The following KDM4C variants were observed in gnomAD, a reference collection of about 807,000 sequenced individuals.
KDM4C encodes lysine-specific demethylase 4C.
KDM4C carries 81 observed loss-of-function variants against 129.3 expected under a neutral mutation model. That is an observed-to-expected ratio of 0.63 (90% confidence interval 0.52 to 0.75). The LOEUF (loss-of-function observed/expected upper bound fraction) is 0.75, where lower values mean the gene tolerates loss of function less well. KDM4C is among the 30% of genes least tolerant of loss of function. The pLI is 0.00. For missense variants in KDM4C, 1,457 were observed against 1,304.0 expected (o/e 1.12, Z -1.81); for synonymous variants, 573 against 456.1 (o/e 1.26, Z -3.26).
chr9:7,169,792 C>T lies in KDM4C; in HGVS notation c.2902-6C>T. On this transcript the variant is annotated splice_polypyrimidine_tract_variant and splice_region_variant and intron_variant, in intron 20 of 21. Transcript: ENST00000381309. Reference sequence around the variant, plus strand: ...ATATGTATCATGTTATATTATCTTTCATTAGGTTGAGTTTGAAGATGGATC... The same window carrying T: ...ATATGTATCATGTTATATTATCTTTTATTAGGTTGAGTTTGAAGATGGATC... 6.3e-7 allele frequency: 1 copy of T among 1,595,366 alleles called. No homozygotes were observed. The highest frequency in any genetic ancestry group is 8.6e-7 in the Non-Finnish European group (1 of 1,165,260).
At chr9:6,993,935 C>T (rs1287192408) in intron 12 of KDM4C, among the ~76,000 whole-genome samples, 2 of 152,010 alleles carry the variant, frequency 1.3e-5, no homozygotes, top group African/African-American at 4.8e-5. Context: ...AACTTTGCGA[C>T]GTGAGTCTTC....
At chr9:6,975,066 T>G (rs1276476443) in intron 8 of KDM4C, 1 of 152,220 alleles carries the variant, frequency 6.6e-6, no homozygotes, top group Admixed American at 6.5e-5. Flanking sequence ...TGAACAGTGC[T>G]CTCATGGGTC....
intron 6 of KDM4C, among the ~76,000 whole-genome samples, chr9:6,886,494 T>C (rs1232195145): frequency 2.9e-5 from 4 of 135,984 alleles, no homozygotes; most frequent in African/African-American, 5.1e-5. Flanking sequence ...TTTTTTTCTT[T>C]TTTCCTTTTT....
chr9:6,905,701 C>T (rs903527089), intron 8 of KDM4C, among the ~76,000 whole-genome samples: 1 of 152,078 alleles, frequency 6.6e-6, no homozygotes, highest in Non-Finnish European at 1.5e-5. Context: ...GTGTAGGGTC[C>T]TTGTGATCAA....
chr9:7,032,308 T>G (rs1163970320), intron 15 of KDM4C, among the ~76,000 whole-genome samples: 2 of 152,228 alleles, frequency 1.3e-5, no homozygotes, highest in African/African-American at 4.8e-5. Context: ...GTAGAGATTA[T>G]TAAAGAAAAT....
rs145107709 is a variant in KDM4C at position 6,814,096 on chromosome 9, A to G, written c.321-535A>G. 2.1e-3 allele frequency among the ~76,000 whole-genome samples: 325 copies of G among 152,280 alleles called. 1 individual carries two copies. The highest frequency in any genetic ancestry group is 7.6e-3 in the African/African-American group (316 of 41,566). On this transcript the variant is annotated intron_variant, in intron 3 of 21. Transcript: ENST00000381309. The stretch of plus-strand genomic sequence containing the variant: ...AGCTTTTTATATGTTTAGAAAAATT[A>G]TATGCTGGAATGGTTTTGCCAGCTT...
chr9:7,049,225 C>A, intron 17 of KDM4C, 25 bp downstream of exon 17: 1 of 1,254,822 alleles, frequency 8.0e-7, no homozygotes, highest in East Asian at 2.4e-5. Flanking sequence ...TTCTTTTTTA[C>A]CTCATAAATT....
chr9:7,049,175 G>A lies in KDM4C; in HGVS notation c.2399G>A (p.Arg800Lys). 3 of 1,607,732 alleles carry A rather than the reference G, an allele frequency of 1.9e-6. No individual in the cohort carries two copies. The highest frequency in any genetic ancestry group is 1.7e-6 in the Non-Finnish European group (2 of 1,174,768). ...GAAAGGACACAAATAGATGTAGGCA[G>A]AATACCTTTACAGAGGTTAAAATTG... Reference protein sequence around the residue: ...VPERTQIDVGRIPLQRLKLKC... With the variant: ...VPERTQIDVGKIPLQRLKLKC... The change falls in exon 17 of 22, where the codon AGA (arginine) becomes AAA (lysine). Residue 800 changes from arginine to lysine, a missense_variant. By Grantham distance (26) the Arg-to-Lys change is conservative. Coordinates refer to ENST00000381309, the MANE Select transcript of KDM4C (RefSeq NM_015061.6).
intron 1 of KDM4C, among the ~76,000 whole-genome samples, chr9:6,725,480 TTTTTTA>T (rs1037255962): frequency 1.3e-5 from 2 of 152,092 alleles, no homozygotes; most frequent in Admixed American, 6.6e-5. Context: ...AGATTCTCTC[TTTTTTA>T]TTTTTATTTT....
chr9:6,859,603 C>G (rs1164174377), intron 5 of KDM4C, among the ~76,000 whole-genome samples: 5 of 149,928 alleles, frequency 3.3e-5, no homozygotes. Context: ...GTGGCTCACG[C>G]CTGTAATCCA....
At chr9:6,836,690 A>G (rs1835946715) in intron 4 of KDM4C, among the ~76,000 whole-genome samples, 1 of 152,220 alleles carries the variant, frequency 6.6e-6, no homozygotes, top group African/African-American at 2.4e-5. Flanking sequence ...TAAAAATAGT[A>G]TCACTTTGTG....
intron 17 of KDM4C, among the ~76,000 whole-genome samples, chr9:7,089,502 C>T (rs1378641934): frequency 2.6e-5 from 4 of 152,224 alleles, no homozygotes; most frequent in African/African-American, 9.6e-5. Context: ...CTTAATAATA[C>T]ATTTTAATGA....
chr9:7,087,940 G>C (rs146934893), intron 17 of KDM4C, among the ~76,000 whole-genome samples: 1 of 152,200 alleles, frequency 6.6e-6, no homozygotes, highest in Non-Finnish European at 1.5e-5. Flanking sequence ...GGAGAACGCC[G>C]ATTTGTAATC....
intron 17 of KDM4C, among the ~76,000 whole-genome samples, chr9:7,088,180 C>T (rs1835365749): frequency 6.6e-6 from 1 of 152,206 alleles, no homozygotes; most frequent in South Asian, 2.1e-4. Flanking sequence ...TCCTCCAGGC[C>T]TGGAGGCCCT....
chr9:7,052,894 A>AGAGAGAGAGAGAGAGAGAGAGG (rs1339242817), intron 17 of KDM4C, among the ~76,000 whole-genome samples: 1 of 105,468 alleles, frequency 9.5e-6, no homozygotes, highest in Non-Finnish European at 2.0e-5. Context: ...AGAGAGAGAG[A>AGAGAGAGAGAGAGAGAGAGAGG]GAGAGAGCGA....
intron 3 of KDM4C, 41 bp from the exon 4 acceptor site, chr9:6,814,590 G>T: frequency 7.7e-7 from 1 of 1,296,894 alleles, no homozygotes; most frequent in South Asian, 1.4e-5. Flanking sequence ...CCCTAAAACT[G>T]ACTTACTGGT....
chr9:7,007,330 G>A (rs1191173038), intron 12 of KDM4C, among the ~76,000 whole-genome samples: 2 of 152,184 alleles, frequency 1.3e-5, no homozygotes, highest in South Asian at 2.1e-4. Context: ...CTAGGAGTAC[G>A]GGTTTCCACC....
At chr9:6,792,740 G>C (rs940768965) in intron 1 of KDM4C, among the ~76,000 whole-genome samples, 21 of 152,146 alleles carry the variant, frequency 1.4e-4, no homozygotes, top group African/African-American at 4.8e-4. Flanking sequence ...AGTATAGTCA[G>C]ATCAGTGGTT....
chr9:6,814,006 A>G (rs1831631764), intron 3 of KDM4C, among the ~76,000 whole-genome samples: 1 of 152,172 alleles, frequency 6.6e-6, no homozygotes, highest in East Asian at 1.9e-4. Context: ...TATTGTACAC[A>G]TCTCTCTGTT....
Sources: gnomAD v4.1 joint callset for allele counts (sites outside exome capture counted in the v4.1 genomes callset) on GRCh38, gnomAD v4.1.1 for gene constraint, MANE v1.5 for transcripts, NCBI Gene and HGNC (gene_info 2026-07-23, HGNC 2026-07-21) for gene names.